TMEM115: variants seen among roughly 807,000 people sequenced by gnomAD.
The protein encoded by TMEM115 is PP6.
In TMEM115, 8 loss-of-function variants were observed where a neutral mutation model predicts 20.1. The ratio of observed to expected loss-of-function variants is 0.40; its 90% CI spans 0.23 to 0.72. The LOEUF (loss-of-function observed/expected upper bound fraction) is 0.72. Ranked by LOEUF, TMEM115 falls within the 30% of genes least tolerant of loss-of-function variation. TMEM115 has a pLI of 0.39. For missense variants in TMEM115, 374 were observed against 455.1 expected (o/e 0.82, Z 1.62); for synonymous variants, 229 against 206.2 (o/e 1.11, Z -0.95).
At chr3:50,355,768 C>T (rs1450783458) in intron 1 of TMEM115, among the ~76,000 whole-genome samples, 1 of 152,220 alleles carries the variant, frequency 6.6e-6, no homozygotes. Flanking sequence ...ATCTTCCCTC[C>T]ATAGCTGAGG....
Position 50,358,899 on chromosome 3 carries a change from G to A in TMEM115, c.165C>T (p.Pro55=). 2 of 1,613,196 alleles carry A rather than the reference G, an allele frequency of 1.2e-6. No individual in the cohort carries two copies. The highest frequency in any genetic ancestry group is 1.7e-6 in the Non-Finnish European group (2 of 1,180,006). ...LAVTPGYLFP[P]NFWIWTLATH... ...TGGCCAGGGTCCAGATCCAGAAGTT[G>A]GGAGGAAAGAGGTAGCCCGGGGTGA... Residue 55 remains proline (P), a synonymous_variant, in exon 1 of 2, where the codon CCC becomes CCT. Transcript: ENST00000266025.
intron 1 of TMEM115, among the ~76,000 whole-genome samples, chr3:50,357,753 C>T (rs1703900786): frequency 6.6e-6 from 1 of 152,208 alleles, no homozygotes; most frequent in Non-Finnish European, 1.5e-5. Context: ...GGCAGAGAAG[C>T]ACAGCATCTG....
At position 50,355,428 on chromosome 3, in the gene TMEM115, G is replaced by A. The variant is rs747953512; in HGVS notation, c.971C>T (p.Ser324Leu). ...SGAKVDSPLP[S>L]DKAPTPPGKG... The stretch of plus-strand genomic sequence containing the variant: ...CCCTGGGGGTGTGGGAGCTTTGTCT[G>A]AGGGCAGGGGGCTGTCCACCTTGGC... Residue 324 changes from serine to leucine, a missense_variant, in exon 2 of 2, where the codon TCA becomes TTA. By Grantham distance (145) the Ser-to-Leu change is moderately radical (BLOSUM62 -2). Transcript: ENST00000266025. The A allele has an allele frequency of 1.3e-6, 2 of 1,592,384 alleles. No individual in the cohort carries two copies. Among genetic ancestry groups the A allele is most frequent in the Non-Finnish European group, 1.7e-6 (2 of 1,169,302 alleles).
chr3:50,357,957 G>A (rs1703903125), intron 1 of TMEM115, among the ~76,000 whole-genome samples: 1 of 152,188 alleles, frequency 6.6e-6, no homozygotes, highest in South Asian at 2.1e-4. Context: ...TCCCTCCACT[G>A]GGACTTCACA....
At chr3:50,356,502 A>G (rs1703878078) in intron 1 of TMEM115, among the ~76,000 whole-genome samples, 1 of 152,230 alleles carries the variant, frequency 6.6e-6, no homozygotes, top group Non-Finnish European at 1.5e-5. Context: ...GGAACACGAC[A>G]AGAGAGGCAA....
At position 50,359,517 on chromosome 3, in the gene TMEM115, G is replaced by C. The variant is rs1381684987; in HGVS notation, c.-454C>G. 1 of 160,772 alleles carries C rather than the reference G, an allele frequency of 6.2e-6. No individual in the cohort carries two copies. The highest frequency in any genetic ancestry group is 1.4e-5 in the Non-Finnish European group (1 of 73,092). The allele number at this position is 160,772 out of a possible 1,614,324, so 10.0% of individuals were successfully genotyped here. On this transcript the variant is annotated 5_prime_UTR_variant, in exon 1 of 2. Transcript: ENST00000266025. ...TCTTCTCTCGGGGGGCCGACAAACAGGGGTGCTGCGCCTGCGCGTCCCCGG... is the reference window on the plus strand; with the variant it reads ...TCTTCTCTCGGGGGGCCGACAAACACGGGTGCTGCGCCTGCGCGTCCCCGG...
intron 1 of TMEM115, 154 bp downstream of exon 1, chr3:50,358,059 T>G: frequency 9.6e-7 from 1 of 1,045,274 alleles, no homozygotes; most frequent in South Asian, 1.6e-5. Context: ...AACTGCTGAG[T>G]TCCTTAAGGC....
chr3:50,359,185 G>A lies in TMEM115; in HGVS notation c.-122C>T. The A allele has an allele frequency of 1.4e-6, 2 of 1,391,750 alleles. No homozygotes were observed. The highest frequency in any genetic ancestry group is 1.9e-6 in the Non-Finnish European group (2 of 1,056,632). The allele number at this position is 1,391,750 out of a possible 1,614,324, so 86.2% of individuals were successfully genotyped here. On this transcript the variant is annotated 5_prime_UTR_variant, in exon 1 of 2. Transcript: ENST00000266025. ...GGCCTAGTCACTGGCCTATGGCCCT[G>A]GTAAAGGATCCGCTTCCGATCGGGT...
intron 1 of TMEM115, among the ~76,000 whole-genome samples, chr3:50,356,195 GAGA>G (rs1381154702): frequency 3.3e-5 from 5 of 152,356 alleles, no homozygotes; most frequent in South Asian, 4.1e-4. Context: ...CTTGCAAGAG[GAGA>G]AGAAGGAGAA....
chr3:50,359,238 G>A lies in TMEM115; in HGVS notation c.-175C>T. 9.2e-7 allele frequency: 1 copy of A among 1,081,154 alleles called. No individual in the cohort carries two copies. The highest frequency in any genetic ancestry group is 1.3e-6 in the Non-Finnish European group (1 of 779,544). 67.0% of individuals were successfully genotyped at this position (1,081,154 alleles called of 1,614,324 possible). ...GGCTCTGGTCCCGAGGGGCCGAGTC[G>A]GGCCTTGTTGCCGGGCCGCAGCGTA... On this transcript the variant is annotated 5_prime_UTR_variant, in exon 1 of 2. Coordinates refer to ENST00000266025, the MANE Select transcript of TMEM115 (RefSeq NM_007024.5).
chr3:50,356,501 C>A (rs1201698611), intron 1 of TMEM115, among the ~76,000 whole-genome samples: 1 of 152,206 alleles, frequency 6.6e-6, no homozygotes, highest in Non-Finnish European at 1.5e-5. Flanking sequence ...GGGAACACGA[C>A]AAGAGAGGCA....
intron 1 of TMEM115, among the ~76,000 whole-genome samples, chr3:50,356,719 A>T (rs1388938261): frequency 6.6e-6 from 1 of 152,220 alleles, no homozygotes; most frequent in Non-Finnish European, 1.5e-5. Context: ...AGAGAGACAG[A>T]TAGGAAACCC....
rs936512273 is a variant in TMEM115, at chr3:50,359,286, G to T, written c.-223C>A. Reference sequence around the variant, plus strand: ...GTAGGCCCCTCGCCCGGGACCTGAGGGAAGGCCCTGGACGGCTGCGGCACG... The same window carrying T: ...GTAGGCCCCTCGCCCGGGACCTGAGTGAAGGCCCTGGACGGCTGCGGCACG... On this transcript the variant is annotated 5_prime_UTR_variant, in exon 1 of 2. Coordinates refer to ENST00000266025, the MANE Select transcript of TMEM115 (RefSeq NM_007024.5). 1 of 696,368 alleles carries T rather than the reference G, an allele frequency of 1.4e-6. No homozygotes were observed. 43.1% of individuals were successfully genotyped at this position (696,368 alleles called of 1,614,324 possible).
chr3:50,358,150 G>A, intron 1 of TMEM115, 63 bp downstream of exon 1: 1 of 1,579,160 alleles, frequency 6.3e-7, no homozygotes, highest in Non-Finnish European at 8.6e-7. Context: ...CACCTCAACA[G>A]ATGGCATGTG....
intron 1 of TMEM115, among the ~76,000 whole-genome samples, chr3:50,356,538 A>C (rs952384618): frequency 6.6e-6 from 1 of 152,212 alleles, no homozygotes; most frequent in African/African-American, 2.4e-5. Context: ...AGAAAGCCCT[A>C]GCACGCTTCC....
chr3:50,356,409 C>T (rs1703876186), intron 1 of TMEM115, among the ~76,000 whole-genome samples: 1 of 152,218 alleles, frequency 6.6e-6, no homozygotes, highest in Admixed American at 6.5e-5. Context: ...TCCTATACCT[C>T]AGCCTCTCTG....
chr3:50,355,364 CT>C lies in TMEM115; in HGVS notation c.1034del (p.Glu345GlyfsTer13). The C allele has an allele frequency of 6.6e-7, 1 of 1,510,118 alleles. No individual in the cohort carries two copies. The highest frequency in any genetic ancestry group is 8.9e-7 in the Non-Finnish European group (1 of 1,126,710). The allele number at this position is 1,510,118 out of a possible 1,614,324, so 93.5% of individuals were successfully genotyped here. ...AAPESSLITF[E>X]AAPPTL ...GGAGTTACAGCGTCGGGGGAGCTGC[CT>C]CGAAGGTGATTAGACTGGATTCTGG... On this transcript the variant is annotated frameshift_variant, in exon 2 of 2. Coordinates refer to ENST00000266025, the MANE Select transcript of TMEM115 (RefSeq NM_007024.5). LOFTEE classifies it high-confidence loss of function.
At position 50,355,122 on chromosome 3, in the gene TMEM115, G is replaced by A; in HGVS notation, c.*221C>T. On this transcript the variant is annotated 3_prime_UTR_variant, in exon 2 of 2. Transcript: ENST00000266025. ...CTTACCTCAGATGAGGGCCTGGACT[G>A]GCCGATGCCTCAGAGGCTCCGGGCC... is the stretch of plus-strand genomic sequence containing the variant. 2.5e-6 allele frequency: 1 copy of A among 406,808 alleles called. No homozygotes were observed. The highest frequency in any genetic ancestry group is 4.4e-6 in the Non-Finnish European group (1 of 229,102). The allele number at this position is 406,808 out of a possible 1,614,324, so 25.2% of individuals were successfully genotyped here.
rs373497714 is a variant in TMEM115 at position 50,355,005 on chromosome 3, G to A, written c.*338C>T. ...ATCCTTGCCTTGGCTCAGGGCTCTC[G>A]GCAACCAGTTTCAGATGTGAGGGCC... is the stretch of plus-strand genomic sequence containing the variant. On this transcript the variant is annotated 3_prime_UTR_variant, in exon 2 of 2. Coordinates refer to ENST00000266025, the MANE Select transcript of TMEM115 (RefSeq NM_007024.5). 281 of 235,168 alleles carry A rather than the reference G, an allele frequency of 1.2e-3. No homozygotes were observed. The highest frequency in any genetic ancestry group is 5.5e-3 in the African/African-American group (243 of 44,562). 14.6% of individuals were successfully genotyped at this position (235,168 alleles called of 1,614,324 possible).
Sources: gnomAD v4.1 joint callset for allele counts (sites outside exome capture counted in the v4.1 genomes callset) on GRCh38, gnomAD v4.1.1 for gene constraint, MANE v1.5 for transcripts, NCBI Gene and HGNC (gene_info 2026-07-23, HGNC 2026-07-21) for gene names.